Variants in SUMF1 observed in about 807,000 individuals in gnomAD.
The protein encoded by SUMF1 is sulfatase modifying factor 1.
In SUMF1, 48 loss-of-function variants were observed where a neutral mutation model predicts 47.6. That is an observed-to-expected ratio of 1.01 (90% CI 0.80 to 1.28). The LOEUF (loss-of-function observed/expected upper bound fraction) is 1.28, where lower values mean the gene tolerates loss of function less well. Among genes scored for constraint, SUMF1 ranks in the 50% most tolerant of loss-of-function variants. The probability of loss-of-function intolerance (pLI) is 0.00; values close to 1 mark genes in which losing one functional copy is unlikely to be tolerated. For synonymous variants in SUMF1, 230 were observed against 192.1 expected, an observed-to-expected ratio of 1.20 and a Z score of -1.63; for missense variants, 571 against 485.4, an observed-to-expected ratio of 1.18 and a Z score of -1.66.
At chr3:4,120,776 C>A (rs539636284) in intron 8 of SUMF1, among the ~76,000 whole-genome samples, 22 of 152,230 alleles carry the variant, frequency 1.4e-4, no homozygotes, top group Admixed American at 1.4e-3. Context: ...CAACAAGACC[C>A]CCAACTTGAG....
At chr3:4,177,123 A>G (rs925201561) in intron 8 of SUMF1, among the ~76,000 whole-genome samples, 1 of 152,198 alleles carries the variant, frequency 6.6e-6, no homozygotes, top group Non-Finnish European at 1.5e-5. Context: ...AATATTAGAC[A>G]GATCAGTGGG....
chr3:4,271,813 A>T (rs898650004), intron 8 of SUMF1, among the ~76,000 whole-genome samples: 7 of 152,000 alleles, frequency 4.6e-5, no homozygotes, highest in African/African-American at 1.7e-4. Flanking sequence ...CATCAATTTA[A>T]ACATTAATTA....
chr3:4,154,305 G>A (rs1385396798), intron 8 of SUMF1, among the ~76,000 whole-genome samples: 1 of 151,402 alleles, frequency 6.6e-6, no homozygotes, highest in East Asian at 1.9e-4. Context: ...TAATCCTGGG[G>A]AAACTAACCT....
chr3:4,279,844 G>T (rs1018006948), intron 8 of SUMF1, among the ~76,000 whole-genome samples: 1 of 152,024 alleles, frequency 6.6e-6, no homozygotes, highest in African/African-American at 2.4e-5. Context: ...AAAAATTAGT[G>T]TACCAGATGG....
chr3:4,204,181 A>T (rs1340640606), intron 8 of SUMF1, among the ~76,000 whole-genome samples: 1 of 152,088 alleles, frequency 6.6e-6, no homozygotes, highest in Non-Finnish European at 1.5e-5. Flanking sequence ...TGGTGTTGAC[A>T]AAACTTCTTG....
chr3:4,277,051 A>G (rs1697434861), intron 8 of SUMF1, among the ~76,000 whole-genome samples: 1 of 152,106 alleles, frequency 6.6e-6, no homozygotes, highest in Non-Finnish European at 1.5e-5. Flanking sequence ...AGATAATCTA[A>G]TCCAGTGGTT....
intron 8 of SUMF1, among the ~76,000 whole-genome samples, chr3:4,118,448 G>A (rs947546600): frequency 2.6e-5 from 4 of 152,018 alleles, no homozygotes; most frequent in African/African-American, 9.7e-5. Context: ...AATGAATCCA[G>A]GAAGTCTAAC....
At chr3:4,259,086 G>T (rs1368670066) in intron 8 of SUMF1, among the ~76,000 whole-genome samples, 1 of 146,962 alleles carries the variant, frequency 6.8e-6, no homozygotes, top group Non-Finnish European at 1.5e-5. Context: ...ACCCAGGAAG[G>T]GGGATATCAC....
At chr3:4,359,557 G>A (rs1699696508), downstream of SUMF1, among the ~76,000 whole-genome samples, 1 of 152,172 alleles carries the variant, frequency 6.6e-6, no homozygotes, top group South Asian at 2.1e-4. Context: ...AAAGAAAAGA[G>A]GTTTAATTGA....
At chr3:4,255,579 T>C (rs1448052909) in intron 8 of SUMF1, among the ~76,000 whole-genome samples, 1 of 82,704 alleles carries the variant, frequency 1.2e-5, no homozygotes, top group Non-Finnish European at 2.4e-5. Flanking sequence ...CCTAAATATA[T>C]ATGCACCCAA....
chr3:4,081,989 G>A (rs1409736796), intron 8 of SUMF1, among the ~76,000 whole-genome samples: 3 of 152,068 alleles, frequency 2.0e-5, no homozygotes, highest in African/African-American at 7.3e-5. Context: ...ATAAGTCTTT[G>A]CCTACAGTTC....
intron 8 of SUMF1, among the ~76,000 whole-genome samples, chr3:4,113,302 G>A (rs1693351951): frequency 6.6e-6 from 1 of 152,106 alleles, no homozygotes; most frequent in Admixed American, 6.5e-5. Flanking sequence ...GCCAAGGCAG[G>A]AGGATTGCTT....
At chr3:4,060,207 A>G (rs913700420) in intron 9 of SUMF1, among the ~76,000 whole-genome samples, 1 of 152,222 alleles carries the variant, frequency 6.6e-6, no homozygotes, top group Non-Finnish European at 1.5e-5. Context: ...AAAGTGATAG[A>G]GATTAGCGAT....
rs188210919 is a variant in SUMF1 at position 4,275,731 on chromosome 3, A to T, written c.1014+100599T>A. On this transcript the variant is annotated intron_variant and NMD_transcript_variant, in intron 8 of 12. Transcript: ENST00000448413. ...AAATCAGAATTCTCTCGGGAAGAAGACAAAAGCAAAAAGTTAGTTGAGTAG... is the reference window on the plus strand; with the variant it reads ...AAATCAGAATTCTCTCGGGAAGAAGTCAAAAGCAAAAAGTTAGTTGAGTAG... 5.3e-5 allele frequency among the ~76,000 whole-genome samples: 8 copies of T among 152,300 alleles called. No individual in the cohort carries two copies. In the East Asian group the frequency reaches 1.5e-3, roughly 29 times the overall value.
intron 8 of SUMF1, among the ~76,000 whole-genome samples, chr3:4,131,245 C>T (rs1276402360): frequency 6.6e-6 from 1 of 152,118 alleles, no homozygotes; most frequent in Non-Finnish European, 1.5e-5. Context: ...CATGACTGGG[C>T]TAGAGCAGGT....
chr3:4,038,380 G>C (rs1370537540), intron 9 of SUMF1, among the ~76,000 whole-genome samples: 1 of 152,140 alleles, frequency 6.6e-6, no homozygotes, highest in East Asian at 1.9e-4. Flanking sequence ...GTCGACTGCA[G>C]CTTGTTAGAG....
rs138398981 is a variant in SUMF1 at position 4,180,751 on chromosome 3, G to T, written c.1015-112006C>A. Among the ~76,000 whole-genome samples the T allele has an allele frequency of 3.4e-5, 5 of 145,154 alleles. No individual in the cohort carries two copies. The Admixed American group carries it at 3.5e-4, about 10-fold the overall frequency. On this transcript the variant is annotated intron_variant and NMD_transcript_variant, in intron 8 of 12. Coordinates refer to the SUMF1 transcript ENST00000448413. ...TCCTATGGTCCCAGCTATTTGGGAG[G>T]CTGAGGTGGAAAGATCACCTTAGCC...
At chr3:4,245,747 T>C (rs1028693254) in intron 8 of SUMF1, among the ~76,000 whole-genome samples, 2 of 152,154 alleles carry the variant, frequency 1.3e-5, no homozygotes, top group Non-Finnish European at 2.9e-5. Context: ...TTGAATGCCA[T>C]GCCGGTAGAA....
chr3:4,363,371 C>A (rs534431742), intron 8 of SUMF1, among the ~76,000 whole-genome samples: 1 of 152,078 alleles, frequency 6.6e-6, no homozygotes, highest in Admixed American at 6.6e-5. Context: ...ATTGCTCTTC[C>A]ATTTCTTTGT....
Sources: allele counts gnomAD v4.1 joint callset (sites outside exome capture counted in the v4.1 genomes callset), GRCh38; gene constraint gnomAD v4.1.1; transcripts MANE v1.5; gene names NCBI Gene and HGNC (gene_info 2026-07-23, HGNC 2026-07-21).